The following CCDC171 variants were observed in gnomAD, a reference collection of about 807,000 sequenced individuals.
The protein encoded by CCDC171 is coiled-coil domain-containing protein 171.
CCDC171 carries 177 observed loss-of-function variants against 168.2 expected under a neutral mutation model. The observed-to-expected ratio is 1.05, with a 90% CI of 0.93 to 1.19. The LOEUF (loss-of-function observed/expected upper bound fraction) is 1.19, where lower values mean the gene tolerates loss of function less well. Among genes scored for constraint, CCDC171 ranks in the 50% most tolerant of loss-of-function variants. CCDC171 has a pLI of 0.00. For synonymous variants in CCDC171, 687 were observed against 540.8 expected, an observed-to-expected ratio of 1.27 and a Z score of -3.75; for missense variants, 1,991 against 1,539.0, an observed-to-expected ratio of 1.29 and a Z score of -4.91.
chr9:15,737,249 G>A (rs891879489), intron 16 of CCDC171, among the ~76,000 whole-genome samples: 1 of 151,958 alleles, frequency 6.6e-6, no homozygotes, highest in African/African-American at 2.4e-5. Flanking sequence ...TAACAAAGAG[G>A]TATACTATAT....
intron 25 of CCDC171, among the ~76,000 whole-genome samples, chr9:15,963,029 A>G (rs942086095): frequency 6.6e-6 from 1 of 152,066 alleles, no homozygotes; most frequent in Non-Finnish European, 1.5e-5. Flanking sequence ...TATGGTTGTC[A>G]TACTTCACTT....
chr9:15,609,675 G>C lies in CCDC171; in HGVS notation c.676-13592G>C, dbSNP rs114126934. ...ATTTTGTTCTTGGGTACTCTGTTCT[G>C]TTTCACTTACATGTTTGTTTCTGCA... On this transcript the variant is annotated intron_variant, in intron 6 of 25. Transcript: ENST00000380701. Among the ~76,000 whole-genome samples the C allele has an allele frequency of 1.3e-3, 205 of 152,150 alleles. 1 individual carries two copies. The highest frequency in any genetic ancestry group is 4.8e-3 in the African/African-American group (200 of 41,528).
chr9:15,610,191 C>T (rs1233669863), intron 6 of CCDC171, among the ~76,000 whole-genome samples: 1 of 151,630 alleles, frequency 6.6e-6, no homozygotes, highest in African/African-American at 2.4e-5. Context: ...TTTCTCCCCC[C>T]ACCCCTCCCT....
In CCDC171 at chr9:15,649,744, A is replaced by C. The variant is rs192957074; in HGVS notation, c.823-7383A>C. 9.1e-4 allele frequency among the ~76,000 whole-genome samples: 139 copies of C among 152,310 alleles called. 1 individual carries two copies. Among genetic ancestry groups the C allele is most frequent in the African/African-American group, 3.1e-3 (130 of 41,566 alleles). On this transcript the variant is annotated intron_variant, in intron 7 of 25. Transcript: ENST00000380701. ...GAATGGCAATCATTAAAAAGTCAGGAAACAACAGGTGCTAGAGAGGATGTG... is the reference window on the plus strand; with the variant it reads ...GAATGGCAATCATTAAAAAGTCAGGCAACAACAGGTGCTAGAGAGGATGTG...
chr9:16,027,061 C>T (rs1833288885), intron 6 of CCDC171, among the ~76,000 whole-genome samples: 2 of 152,138 alleles, frequency 1.3e-5, no homozygotes, highest in African/African-American at 4.8e-5. Flanking sequence ...TGATGCAGGG[C>T]AGAAGTAGTT....
the CCDC171 span, among the ~76,000 whole-genome samples, chr9:16,093,937 C>T: frequency 6.6e-6 from 1 of 152,124 alleles, no homozygotes; most frequent in Non-Finnish European, 1.5e-5. Flanking sequence ...GCTTCTATGG[C>T]CCCCCACTGA....
chr9:15,886,031 TC>T (rs1819350881), intron 24 of CCDC171: 1 of 152,130 alleles, frequency 6.6e-6, no homozygotes, highest in African/African-American at 2.4e-5. Context: ...CTTGGAATTA[TC>T]AAAATCACAG....
At chr9:16,036,397 C>T (rs1006997200) in intron 8 of CCDC171, among the ~76,000 whole-genome samples, 2 of 152,202 alleles carry the variant, frequency 1.3e-5, no homozygotes, top group African/African-American at 4.8e-5. Flanking sequence ...GTAATCCCGG[C>T]AATTTGGGAG....
chr9:15,854,346 G>A (rs1582200), intron 23 of CCDC171, among the ~76,000 whole-genome samples: 113,768 of 151,226 alleles, frequency 0.75, 44,505 homozygotes, highest in East Asian at 0.89. Context: ...CTAGGAATTC[G>A]TCTATTTTAT....
At position 15,604,675 on chromosome 9, in the gene CCDC171, A is replaced by G. The variant is rs1587350179; in HGVS notation, c.675+10503A>G. The stretch of plus-strand genomic sequence containing the variant: ...TAGGGAGGCAGTGAAGAAAGTTATC[A>G]GACCACCCTTAGTAGGCATGGTCTG... On this transcript the variant is annotated intron_variant, in intron 6 of 25. Transcript: ENST00000380701. 3.3e-5 allele frequency among the ~76,000 whole-genome samples: 5 copies of G among 152,272 alleles called. No individual in the cohort carries two copies. The South Asian group carries it at 1.0e-3, about 32-fold the overall frequency.
chr9:16,009,739 A>AGAT (rs1280632759), intron 3 of CCDC171, among the ~76,000 whole-genome samples: 6 of 152,224 alleles, frequency 3.9e-5, no homozygotes, highest in Non-Finnish European at 7.3e-5. Flanking sequence ...TTTAAAATCT[A>AGAT]GATAAACTTC....
intron 25 of CCDC171, among the ~76,000 whole-genome samples, chr9:15,941,400 A>T (rs1026362483): frequency 6.6e-6 from 1 of 151,930 alleles, no homozygotes; most frequent in African/African-American, 2.4e-5. Context: ...ACTTGTTTTT[A>T]TTGTTATTCA....
In CCDC171 at chr9:15,624,543, A is replaced by G. The variant is rs192562940; in HGVS notation, c.822+1130A>G. ...TGTTCTCATTGTTCAATTCTCACCT[A>G]TGAGTGAGAACATACGGTGTTTGGT... On this transcript the variant is annotated intron_variant, in intron 7 of 25. Coordinates refer to ENST00000380701, the MANE Select transcript of CCDC171 (RefSeq NM_173550.4). Among the ~76,000 whole-genome samples the G allele has an allele frequency of 7.2e-5, 11 of 152,054 alleles. No individual in the cohort carries two copies. In the East Asian group the frequency reaches 1.7e-3, roughly 24 times the overall value.
intron 25 of CCDC171, among the ~76,000 whole-genome samples, chr9:15,944,305 C>T (rs551414493): frequency 6.6e-6 from 1 of 151,948 alleles, no homozygotes; most frequent in Non-Finnish European, 1.5e-5. Flanking sequence ...TTCTTGTGAC[C>T]ACTGGAAAGT....
intron 5 of CCDC171, 54 bp from the exon 6 acceptor site, chr9:15,593,987 A>G: frequency 8.1e-7 from 1 of 1,241,346 alleles, no homozygotes. Context: ...CTGGGGATGA[A>G]GGAAGATAAC....
chr9:15,941,619 G>A (rs1209437375), intron 25 of CCDC171, among the ~76,000 whole-genome samples: 2 of 151,938 alleles, frequency 1.3e-5, no homozygotes, highest in Non-Finnish European at 2.9e-5. Flanking sequence ...CCAGTGTTAA[G>A]AAGAGAGAAT....
intron 21 of CCDC171, among the ~76,000 whole-genome samples, chr9:15,830,599 G>C (rs2060190567): frequency 6.6e-6 from 1 of 152,118 alleles, no homozygotes; most frequent in Non-Finnish European, 1.5e-5. Flanking sequence ...TTACCATGTA[G>C]AACAATGCAC....
chr9:15,803,850 T>G (rs902614158), intron 21 of CCDC171, among the ~76,000 whole-genome samples: 2 of 152,174 alleles, frequency 1.3e-5, no homozygotes, highest in African/African-American at 4.8e-5. Context: ...TATAAATCAC[T>G]TTGGGCAGTA....
rs550566300 is a variant in CCDC171, at chr9:15,949,139, G to A, written c.3754-22470G>A. ...TCAAAGATCAGATAGTTGTAGATATGTGGCATTATTTCTGAGGGCTCTGTT... is the reference window on the plus strand; with the variant it reads ...TCAAAGATCAGATAGTTGTAGATATATGGCATTATTTCTGAGGGCTCTGTT... On this transcript the variant is annotated intron_variant, in intron 25 of 25. Coordinates refer to ENST00000380701, the MANE Select transcript of CCDC171 (RefSeq NM_173550.4). Among the ~76,000 whole-genome samples, 303 of 151,826 alleles carry A rather than the reference G, an allele frequency of 2.0e-3. 1 individual carries two copies. Among genetic ancestry groups the A allele is most frequent in the South Asian group, 5.0e-3 (24 of 4,792 alleles).
Sources: gnomAD v4.1 joint callset for allele counts (sites outside exome capture counted in the v4.1 genomes callset) on GRCh38, gnomAD v4.1.1 for gene constraint, MANE v1.5 for transcripts, NCBI Gene and HGNC (gene_info 2026-07-23, HGNC 2026-07-21) for gene names.